Variants in SLC8A1 observed in about 807,000 individuals in gnomAD.
SLC8A1 encodes the protein sodium/calcium exchanger 1.
In SLC8A1, 18 loss-of-function variants were observed where a neutral mutation model predicts 68.3. The ratio of observed to expected loss-of-function variants is 0.26; its 90% CI spans 0.18 to 0.39. The LOEUF is 0.39. SLC8A1 is among the 10% of genes least tolerant of loss of function. SLC8A1 has a pLI of 1.00. For missense variants in SLC8A1, 985 were observed against 1,156.7 expected, an observed-to-expected ratio of 0.85 and a Z score of 2.15; for synonymous variants, 475 against 415.5, an observed-to-expected ratio of 1.14 and a Z score of -1.74.
chr2:40,107,695 A>G (rs1345642236), exon 8 of SLC8A1: 1 of 152,112 alleles, frequency 6.6e-6, no homozygotes, highest in Non-Finnish European at 1.5e-5. Context: ...CTCTTTCTCA[A>G]AGGATATCTG....
At chr2:40,252,961 ATATGTATG>A (rs1223443377) in intron 2 of SLC8A1, among the ~76,000 whole-genome samples, 42 of 143,994 alleles carry the variant, frequency 2.9e-4, no homozygotes, top group Non-Finnish European at 4.5e-4. Context: ...ATATGTGTGT[ATATGTATG>A]TACATATATG....
At chr2:40,260,430 A>G (rs1306084567) in intron 2 of SLC8A1, among the ~76,000 whole-genome samples, 1 of 152,110 alleles carries the variant, frequency 6.6e-6, no homozygotes, top group African/African-American at 2.4e-5. Context: ...TTTTTTTCCC[A>G]TAGGCTTCCA....
intron 2 of SLC8A1, among the ~76,000 whole-genome samples, chr2:40,247,464 A>G (rs2062039205): frequency 6.6e-6 from 1 of 152,106 alleles, no homozygotes; most frequent in South Asian, 2.1e-4. Context: ...GTGGAGAGAG[A>G]GAGACAGATC....
At chr2:40,187,074 G>C (rs980472901) in intron 2 of SLC8A1, among the ~76,000 whole-genome samples, 1 of 152,154 alleles carries the variant, frequency 6.6e-6, no homozygotes, top group Non-Finnish European at 1.5e-5. Context: ...AGAGTTGTGG[G>C]TCAGGAAATA....
chr2:40,463,845 C>CACAT (rs1382757430), intron 1 of SLC8A1, among the ~76,000 whole-genome samples: 3,704 of 80,276 alleles, frequency 0.046, 51 homozygotes, highest in African/African-American at 0.057. Flanking sequence ...CACATACACA[C>CACAT]ACACACACAC....
At chr2:40,146,988 C>T (rs2042591776) in intron 6 of SLC8A1, among the ~76,000 whole-genome samples, 1 of 152,152 alleles carries the variant, frequency 6.6e-6, no homozygotes, top group Non-Finnish European at 1.5e-5. Context: ...AATGAATGAA[C>T]ATCTAGATGA....
At chr2:40,175,689 C>T (rs901892767) in intron 3 of SLC8A1, among the ~76,000 whole-genome samples, 4 of 152,016 alleles carry the variant, frequency 2.6e-5, no homozygotes, top group African/African-American at 7.2e-5. Context: ...AATATTGCCT[C>T]GGATTTGGTC....
At chr2:40,504,516 G>A (rs1435700971) in intron 1 of SLC8A1, among the ~76,000 whole-genome samples, 2 of 151,962 alleles carry the variant, frequency 1.3e-5, no homozygotes, top group African/African-American at 4.8e-5. Flanking sequence ...ACAAAGTGAA[G>A]AGGCAACACA....
intron 2 of SLC8A1, among the ~76,000 whole-genome samples, chr2:40,325,671 C>T (rs1229262552): frequency 2.7e-5 from 4 of 150,254 alleles, no homozygotes; most frequent in Middle Eastern, 3.4e-3. Context: ...GCCGGGCGCA[C>T]GCCTGTAATC....
At chr2:40,380,077 C>T (rs1681240404) in intron 2 of SLC8A1, among the ~76,000 whole-genome samples, 1 of 152,104 alleles carries the variant, frequency 6.6e-6, no homozygotes. Context: ...AAAATTTTGG[C>T]TTACTACATT....
chr2:40,472,115 C>G lies in SLC8A1; in HGVS notation c.-25+40234G>C, dbSNP rs1333633869. On this transcript the variant is annotated intron_variant, in intron 1 of 7. Transcript: ENST00000402441. Reference sequence around the variant, plus strand: ...AGTGGTATGGAAGGCCAAGTGCTGCCAAAGGTGACCTTCTGACTTTCATAT... The same window carrying G: ...AGTGGTATGGAAGGCCAAGTGCTGCGAAAGGTGACCTTCTGACTTTCATAT... Among the ~76,000 whole-genome samples the G allele has an allele frequency of 2.0e-5, 3 of 152,126 alleles. 1 individual carries two copies. The East Asian group carries it at 5.8e-4, about 29-fold the overall frequency.
intron 2 of SLC8A1, among the ~76,000 whole-genome samples, chr2:40,423,703 T>C (rs1414076391): frequency 6.6e-6 from 1 of 152,026 alleles, no homozygotes; most frequent in African/African-American, 2.4e-5. Flanking sequence ...ATAGCAAATA[T>C]GGCAATCTGG....
chr2:40,175,285 T>G lies in SLC8A1; in HGVS notation c.1913-443A>C. On this transcript the variant is annotated intron_variant, in intron 3 of 7. Coordinates refer to ENST00000406785, the Ensembl canonical transcript of SLC8A1. The stretch of plus-strand genomic sequence containing the variant: ...CCAAGCTCATTCAATAACAGGGCTG[T>G]GAAGGAAACAGACAAAGACAAACAC... 3.1e-6 allele frequency: 5 copies of G among 1,612,786 alleles called. No individual in the cohort carries two copies. Among genetic ancestry groups the G allele is most frequent in the Non-Finnish European group, 4.2e-6 (5 of 1,179,208 alleles).
intron 2 of SLC8A1, among the ~76,000 whole-genome samples, chr2:40,382,132 T>A (rs2149555835): frequency 6.6e-6 from 1 of 152,270 alleles, no homozygotes; most frequent in South Asian, 2.1e-4. Context: ...GCACTAATAT[T>A]GTAATTAGTT....
chr2:40,472,251 T>A (rs1704030063), intron 1 of SLC8A1, among the ~76,000 whole-genome samples: 1 of 152,232 alleles, frequency 6.6e-6, no homozygotes, highest in African/African-American at 2.4e-5. Flanking sequence ...TAACAACTTC[T>A]ATGTCTCAAA....
chr2:40,230,772 A>G (rs769058147), intron 2 of SLC8A1, among the ~76,000 whole-genome samples: 5 of 152,198 alleles, frequency 3.3e-5, no homozygotes, highest in Non-Finnish European at 5.9e-5. Context: ...AAATAAATGT[A>G]CTTTCATAAA....
Position 40,223,028 on chromosome 2 carries a change from A to C in SLC8A1, c.1809-45173T>G, listed in dbSNP as rs540435369. The stretch of plus-strand genomic sequence containing the variant: ...CAATCCCATTACTGGTTATATATCC[A>C]AAGGATTATAAATCATGCTACTAGA... On this transcript the variant is annotated intron_variant, in intron 2 of 7. Coordinates refer to ENST00000406785, the Ensembl canonical transcript of SLC8A1. 2.0e-5 allele frequency among the ~76,000 whole-genome samples: 3 copies of C among 152,352 alleles called. No individual in the cohort carries two copies. The South Asian group carries it at 6.2e-4, about 32-fold the overall frequency.
At chr2:40,398,046 A>G (rs1195992424) in intron 2 of SLC8A1, among the ~76,000 whole-genome samples, 1 of 152,248 alleles carries the variant, frequency 6.6e-6, no homozygotes, top group Non-Finnish European at 1.5e-5. Flanking sequence ...CACCAGTGCC[A>G]GCTTGGAGAA....
chr2:40,382,285 G>A (rs1682091018), intron 2 of SLC8A1, among the ~76,000 whole-genome samples: 1 of 152,072 alleles, frequency 6.6e-6, no homozygotes, highest in South Asian at 2.1e-4. Flanking sequence ...TCTACTTAAT[G>A]ATGACTTATT....
Sources: allele counts gnomAD v4.1 joint callset (sites outside exome capture counted in the v4.1 genomes callset), GRCh38; gene constraint gnomAD v4.1.1; transcripts MANE v1.5; gene names NCBI Gene and HGNC (gene_info 2026-07-23, HGNC 2026-07-21).